The following FOXP2 variants were observed in gnomAD, a reference collection of about 807,000 sequenced individuals.
The protein encoded by FOXP2 is forkhead box P2, also known as forkhead box protein P2.
A neutral mutation model predicts 115.8 loss-of-function variants in FOXP2; 12 were observed. That is an observed-to-expected ratio of 0.10 (90% confidence interval 0.07 to 0.17). FOXP2 has a LOEUF of 0.17. Among genes scored for constraint, FOXP2 ranks in the 10% least tolerant of loss-of-function variants. FOXP2 has a pLI of 1.00. For synonymous variants in FOXP2, 328 were observed against 297.7 expected (o/e 1.10, Z -1.05); for missense variants, 629 against 843.5 (o/e 0.75, Z 3.15).
At chr7:114,416,607 A>G (rs1429601110) in intron 1 of FOXP2, among the ~76,000 whole-genome samples, 1 of 151,056 alleles carries the variant, frequency 6.6e-6, no homozygotes, top group East Asian at 1.9e-4. Flanking sequence ...CAAAACTTTC[A>G]TTCTTATTTT....
intron 3 of FOXP2, among the ~76,000 whole-genome samples, chr7:114,536,397 CTT>C (rs3997242): frequency 0.4 from 45,461 of 113,080 alleles, 7,474 homozygotes; most frequent in African/African-American, 0.55. Context: ...TTTTTCTTTT[CTT>C]TTTTTTTTTT....
chr7:114,125,747 T>C (rs1791690151), intron 1 of FOXP2, among the ~76,000 whole-genome samples: 1 of 152,110 alleles, frequency 6.6e-6, no homozygotes, highest in Non-Finnish European at 1.5e-5. Context: ...TGAACCACTT[T>C]TTAATTTTAG....
intron 2 of FOXP2, among the ~76,000 whole-genome samples, chr7:114,355,036 T>C (rs1791585763): frequency 1.3e-5 from 2 of 152,214 alleles, no homozygotes; most frequent in African/African-American, 4.8e-5. Context: ...GACATATCTA[T>C]AACTAATATT....
intron 2 of FOXP2, among the ~76,000 whole-genome samples, chr7:114,473,175 C>T (rs1435401145): frequency 6.6e-6 from 1 of 152,082 alleles, no homozygotes; most frequent in Non-Finnish European, 1.5e-5. Flanking sequence ...CATATCTATT[C>T]GATAGGTAAT....
intron 2 of FOXP2, among the ~76,000 whole-genome samples, chr7:114,294,877 T>G (rs1796702212): frequency 6.6e-6 from 1 of 151,814 alleles, no homozygotes. Context: ...CATACATACA[T>G]ACATACATAC....
At chr7:114,359,352 A>C (rs1186483357) in intron 2 of FOXP2, among the ~76,000 whole-genome samples, 2 of 152,228 alleles carry the variant, frequency 1.3e-5, no homozygotes, top group Non-Finnish European at 2.9e-5. Context: ...CAGAGGGCTC[A>C]TGGAGAACCT....
chr7:114,187,386 A>C (rs1793635524), intron 1 of FOXP2, among the ~76,000 whole-genome samples: 1 of 152,198 alleles, frequency 6.6e-6, no homozygotes, highest in Admixed American at 6.5e-5. Context: ...CCTAGTACAC[A>C]GACATTCAGC....
intron 1 of FOXP2, among the ~76,000 whole-genome samples, chr7:114,167,729 G>C (rs2129152091): frequency 6.6e-6 from 1 of 152,192 alleles, no homozygotes; most frequent in Middle Eastern, 3.4e-3. Flanking sequence ...GAGGTCAGGA[G>C]ATCGAGACCA....
chr7:114,464,904 A>G (rs1369372754), intron 2 of FOXP2, among the ~76,000 whole-genome samples: 1 of 152,204 alleles, frequency 6.6e-6, no homozygotes, highest in Admixed American at 6.5e-5. Context: ...ATCATCTTCC[A>G]TGCCCACACC....
intron 2 of FOXP2, among the ~76,000 whole-genome samples, chr7:114,292,430 C>T (rs1796628670): frequency 6.6e-6 from 1 of 152,070 alleles, no homozygotes; most frequent in Non-Finnish European, 1.5e-5. Flanking sequence ...AACCACCAGA[C>T]TAATTACAGC....
At chr7:114,261,985 G>C (rs1795764522) in intron 1 of FOXP2, among the ~76,000 whole-genome samples, 1 of 152,104 alleles carries the variant, frequency 6.6e-6, no homozygotes, top group Admixed American at 6.5e-5. Flanking sequence ...TTGAACCTGG[G>C]AGCTGGAGGT....
chr7:114,282,806 C>T (rs993848061), intron 1 of FOXP2, among the ~76,000 whole-genome samples: 1 of 152,096 alleles, frequency 6.6e-6, no homozygotes, highest in Non-Finnish European at 1.5e-5. Context: ...AGCTTTTAAA[C>T]ATTTTAGCTA....
At chr7:114,156,983 A>C (rs1302139472) in intron 1 of FOXP2, among the ~76,000 whole-genome samples, 1 of 152,266 alleles carries the variant, frequency 6.6e-6, no homozygotes, top group South Asian at 2.1e-4. Flanking sequence ...CTTGGTTGGC[A>C]TGAGACATAT....
chr7:114,538,336 G>A (rs1376886403), intron 3 of FOXP2: 4 of 1,303,020 alleles, frequency 3.1e-6, no homozygotes, highest in Non-Finnish European at 4.0e-6. Flanking sequence ...CCATGAGACA[G>A]ACTTGTGGTT....
At chr7:114,093,372 A>G (rs537358690) in intron 1 of FOXP2, among the ~76,000 whole-genome samples, 1 of 152,164 alleles carries the variant, frequency 6.6e-6, no homozygotes, top group Admixed American at 6.5e-5. Context: ...ACCATATTTT[A>G]TTTTTCTTTA....
chr7:114,106,966 T>C (rs1047652966), intron 1 of FOXP2, among the ~76,000 whole-genome samples: 2 of 152,090 alleles, frequency 1.3e-5, no homozygotes, highest in Non-Finnish European at 2.9e-5. Flanking sequence ...ATAAGCAGTT[T>C]AATATACAAA....
intron 6 of FOXP2, among the ~76,000 whole-genome samples, chr7:114,642,107 T>C (rs1242899357): frequency 6.6e-6 from 1 of 151,994 alleles, no homozygotes; most frequent in Non-Finnish European, 1.5e-5. Flanking sequence ...TGCCTGGCCC[T>C]AGTTCAATTT....
intron 2 of FOXP2, among the ~76,000 whole-genome samples, chr7:114,290,266 C>A (rs1233410385): frequency 6.6e-6 from 1 of 151,806 alleles, no homozygotes; most frequent in Admixed American, 6.6e-5. Context: ...AAATAACCTG[C>A]CCTACATAAT....
chr7:114,623,963 C>T (rs1315297084), intron 3 of FOXP2, among the ~76,000 whole-genome samples: 1 of 151,850 alleles, frequency 6.6e-6, no homozygotes, highest in Non-Finnish European at 1.5e-5. Context: ...TGATGAAAAG[C>T]TTACAAATAC....
Sources: gnomAD v4.1 joint callset for allele counts (sites outside exome capture counted in the v4.1 genomes callset) on GRCh38, gnomAD v4.1.1 for gene constraint, MANE v1.5 for transcripts, NCBI Gene and HGNC (gene_info 2026-07-23, HGNC 2026-07-21) for gene names.